The following SNIP1 variants were observed in gnomAD, a reference collection of about 807,000 sequenced individuals.
The protein encoded by SNIP1 is smad nuclear-interacting protein 1.
In SNIP1, 23 loss-of-function variants were observed where a neutral mutation model predicts 37.4. The ratio of observed to expected loss-of-function variants is 0.61; its 90% CI spans 0.44 to 0.87. The LOEUF is 0.87. SNIP1 is among the 40% of genes least tolerant of loss of function. The pLI is 0.00. For missense variants in SNIP1, 459 were observed against 540.4 expected, an observed-to-expected ratio of 0.85 and a Z score of 1.49; for synonymous variants, 174 against 200.0, an observed-to-expected ratio of 0.87 and a Z score of 1.10.
intron 1 of SNIP1, 40 bp downstream of exon 1, chr1:37,553,966 G>T (rs1383029623): frequency 6.5e-7 from 1 of 1,543,690 alleles, no homozygotes; most frequent in African/African-American, 1.4e-5. Context: ...TTCTGAATGA[G>T]CCCAACCCAA....
chr1:37,539,294 C>T (rs995864855), intron 3 of SNIP1, among the ~76,000 whole-genome samples: 1 of 152,202 alleles, frequency 6.6e-6, no homozygotes, highest in Non-Finnish European at 1.5e-5. Flanking sequence ...TTGGGGACCA[C>T]TGTACTATAG....
At chr1:37,545,449 T>C (rs2148115067) in intron 2 of SNIP1, among the ~76,000 whole-genome samples, 1 of 149,848 alleles carries the variant, frequency 6.7e-6, no homozygotes, top group South Asian at 2.1e-4. Context: ...AATAAAGAAA[T>C]TTGGTACCCC....
In SNIP1 at chr1:37,552,641, T is replaced by C; in HGVS notation, c.327+4A>G. ...GACCCATCAAAACACCCCAATCCAC[T>C]TACCTGCTTCACTTTGACTGTTGAG... On this transcript the variant is annotated splice_donor_region_variant and intron_variant, in intron 2 of 3. Transcript: ENST00000296215. 6.2e-7 allele frequency: 1 copy of C among 1,613,298 alleles called. No individual in the cohort carries two copies. The highest frequency in any genetic ancestry group is 8.5e-7 in the Non-Finnish European group (1 of 1,179,254).
Position 37,536,841 on chromosome 1 carries a change from A to T in SNIP1, c.*907T>A, listed in dbSNP as rs1203926831. ...AAGGATGAAATGTGTAGAAACATGTAAACAACACAACCTGCTTTAGATCTA... is the reference window on the plus strand; with the variant it reads ...AAGGATGAAATGTGTAGAAACATGTTAACAACACAACCTGCTTTAGATCTA... On this transcript the variant is annotated 3_prime_UTR_variant, in exon 4 of 4. Transcript: ENST00000296215. 1 of 152,260 alleles carries T rather than the reference A, an allele frequency of 6.6e-6. No individual in the cohort carries two copies. Among genetic ancestry groups the T allele is most frequent in the Non-Finnish European group, 1.5e-5 (1 of 68,046 alleles). 9.4% of individuals were successfully genotyped at this position (152,260 alleles called of 1,614,324 possible).
intron 2 of SNIP1, 103 bp downstream of exon 2, chr1:37,552,542 G>C (rs540370331): frequency 2.1e-6 from 2 of 951,354 alleles, no homozygotes; most frequent in East Asian, 2.4e-5. Flanking sequence ...GCGAGCGTAC[G>C]TGCACATGTG....
chr1:37,549,333 T>C (rs1473163899), intron 2 of SNIP1, among the ~76,000 whole-genome samples: 2 of 152,200 alleles, frequency 1.3e-5, no homozygotes, highest in African/African-American at 4.8e-5. Context: ...ACAATGTTCA[T>C]GGATTAGAAG....
intron 1 of SNIP1, among the ~76,000 whole-genome samples, chr1:37,553,597 T>TC (rs1643327697): frequency 6.6e-6 from 1 of 151,914 alleles, no homozygotes; most frequent in African/African-American, 2.4e-5. Context: ...TTTTTTTTTT[T>TC]CCCCAGTTTC....
intron 1 of SNIP1, 95 bp downstream of exon 1, chr1:37,553,911 C>A (rs1254001522): frequency 1.6e-6 from 2 of 1,273,104 alleles, no homozygotes; most frequent in East Asian, 2.5e-5. Context: ...CGGGCTGCTG[C>A]GCCCACCATT....
chr1:37,551,264 T>G (rs1643298850), intron 2 of SNIP1, among the ~76,000 whole-genome samples: 1 of 132,562 alleles, frequency 7.5e-6, no homozygotes, highest in Non-Finnish European at 1.6e-5. Flanking sequence ...AGCCAGACTC[T>G]GTCTCAAAAA....
rs35503081 is a variant in SNIP1 at position 37,548,152 on chromosome 1, C to CAAA, written c.327+4490_327+4492dup. Among the ~76,000 whole-genome samples, 117 of 65,368 alleles carry CAAA rather than the reference C, an allele frequency of 1.8e-3. 3 individuals are homozygous for CAAA. The highest frequency in any genetic ancestry group is 0.019 in the Middle Eastern group (1 of 52). 42.9% of individuals were successfully genotyped at this position (65,368 alleles called of 152,430 possible). A position where few individuals can be genotyped will look rare whatever the true frequency, so the allele number is the denominator to read the frequency against. ...TGGGCAACGCAGCGAGACTCCATAT[C>CAAA]AAAAAAAAAAAAAAAAAAAAAAAGA... On this transcript the variant is annotated intron_variant, in intron 2 of 3. Transcript: ENST00000296215.
intron 3 of SNIP1, among the ~76,000 whole-genome samples, chr1:37,539,089 T>C (rs1643135719): frequency 6.6e-6 from 1 of 152,150 alleles, no homozygotes; most frequent in African/African-American, 2.4e-5. Context: ...ACCATCAAGC[T>C]GGAGGAAAAC....
Position 37,537,917 on chromosome 1 carries a change from T to C in SNIP1, c.1022A>G (p.Asn341Ser). ...GTATCTCTGTGGCTCAATACGTTTGTTGTTTAAGAAGGTTCCATTGCCTGA... is the reference window on the plus strand; with the variant it reads ...GTATCTCTGTGGCTCAATACGTTTGCTGTTTAAGAAGGTTCCATTGCCTGA... ...LGSGNGTFLN[N>S]KRIEPQRYYE... Residue 341 changes from asparagine (N) to serine (S), a missense_variant, in exon 4 of 4, where the codon AAC becomes AGC. Asn to Ser is a conservative substitution (Grantham distance 46). Coordinates refer to ENST00000296215, the MANE Select transcript of SNIP1 (RefSeq NM_024700.4). 6.2e-7 allele frequency: 1 copy of C among 1,614,158 alleles called. No homozygotes were observed. The highest frequency in any genetic ancestry group is 8.5e-7 in the Non-Finnish European group (1 of 1,180,020).
At chr1:37,539,661 G>A (rs1643145896) in intron 3 of SNIP1, among the ~76,000 whole-genome samples, 1 of 152,244 alleles carries the variant, frequency 6.6e-6, no homozygotes, top group South Asian at 2.1e-4. Flanking sequence ...AGTGAGTTGA[G>A]ATCGCGCCAC....
chr1:37,545,062 A>G (rs933372174), intron 2 of SNIP1: 3 of 750,886 alleles, frequency 4.0e-6, no homozygotes, highest in Non-Finnish European at 7.3e-6. Context: ...TGGAGCATGC[A>G]TTACATTTGG....
chr1:37,535,239 T>TATATATATATATATATATA lies in SNIP1; in HGVS notation c.*2508_*2509insTATATATATATATATATAT, dbSNP rs370386634. Reference sequence around the variant, plus strand: ...AAATAAAAAATAAAAATTATATATATAAATTAGCCAGGCTTGGTGACAGGT... The same window carrying TATATATATATATATATATA: ...AAATAAAAAATAAAAATTATATATATATATATATATATATATATAAAATTAGCCAGGCTTGGTGACAGGT... On this transcript the variant is annotated 3_prime_UTR_variant, in exon 4 of 4. Coordinates refer to ENST00000296215, the MANE Select transcript of SNIP1 (RefSeq NM_024700.4). The TATATATATATATATATATA allele has an allele frequency of 9.2e-6, 1 of 108,646 alleles. No homozygotes were observed. Among genetic ancestry groups the TATATATATATATATATATA allele is most frequent in the Non-Finnish European group, 1.8e-5 (1 of 54,290 alleles). The allele number at this position is 108,646 out of a possible 1,614,324, so 6.7% of individuals were successfully genotyped here. A position where few individuals can be genotyped will look rare whatever the true frequency, so the allele number is the denominator to read the frequency against.
intron 3 of SNIP1, among the ~76,000 whole-genome samples, chr1:37,539,850 C>T (rs1481512181): frequency 6.6e-6 from 1 of 152,182 alleles, no homozygotes; most frequent in Non-Finnish European, 1.5e-5. Context: ...ACTCAGGAGG[C>T]CGAGGCAGGA....
chr1:37,546,153 C>T (rs373642419), intron 2 of SNIP1, among the ~76,000 whole-genome samples: 10 of 150,076 alleles, frequency 6.7e-5, no homozygotes, highest in African/African-American at 9.9e-5. Context: ...AGACCCCCCC[C>T]CCCCCCGCTC....
intron 2 of SNIP1, among the ~76,000 whole-genome samples, chr1:37,548,119 C>T (rs1311220513): frequency 7.4e-6 from 1 of 136,030 alleles, no homozygotes; most frequent in East Asian, 2.3e-4. Flanking sequence ...CACCACTGCA[C>T]TCCAGCCTGG....
Position 37,540,216 on chromosome 1 carries a change from A to G in SNIP1, c.867T>C (p.Ile289=), listed in dbSNP as rs1053055205. The G allele has an allele frequency of 9.3e-6, 15 of 1,610,592 alleles. No individual in the cohort carries two copies. Among genetic ancestry groups the G allele is most frequent in the South Asian group, 3.3e-5 (3 of 91,038 alleles). Residue 289 remains isoleucine, a synonymous_variant, in exon 3 of 4, where the codon ATT becomes ATC. Transcript: ENST00000296215. This position sits in a 1 kb window ranked among gnomAD's most constrained non-coding sequence, Gnocchi z 5.6. ...ACGGGTGATCAATTGGAATGTCTGCAATGCGGCGGTGTCGACCCAGTAGGT... is the reference window on the plus strand; with the variant it reads ...ACGGGTGATCAATTGGAATGTCTGCGATGCGGCGGTGTCGACCCAGTAGGT... ...SAYLLGRHRR[I]ADIPIDHPSC...
Sources: allele counts gnomAD v4.1 joint callset (sites outside exome capture counted in the v4.1 genomes callset), GRCh38; gene constraint gnomAD v4.1.1; non-coding constraint Gnocchi (gnomAD v3.1); transcripts MANE v1.5; gene names NCBI Gene and HGNC (gene_info 2026-07-23, HGNC 2026-07-21).